BMERB1: variants seen among roughly 807,000 people sequenced by gnomAD.
BMERB1 encodes bMERB domain-containing protein 1.
BMERB1 carries 12 observed loss-of-function variants against 23.6 expected under a neutral mutation model. The observed-to-expected ratio is 0.51, with a 90% CI of 0.33 to 0.82. BMERB1 has a LOEUF of 0.82. BMERB1 is among the 40% of genes least tolerant of loss of function. The pLI is 0.03. For synonymous variants in BMERB1, 122 were observed against 96.6 expected, an observed-to-expected ratio of 1.26 and a Z score of -1.54; for missense variants, 247 against 255.4, an observed-to-expected ratio of 0.97 and a Z score of 0.22.
At chr16:15,533,139 A>C in intron 2 of BMERB1, 1 of 358,458 alleles carries the variant, frequency 2.8e-6, no homozygotes, top group South Asian at 2.1e-5. Context: ...CTACCACGTA[A>C]GTGCTCATTA....
At chr16:15,523,608 T>A (rs1477474043) in intron 2 of BMERB1, among the ~76,000 whole-genome samples, 1 of 152,184 alleles carries the variant, frequency 6.6e-6, no homozygotes, top group Admixed American at 6.5e-5. Context: ...GAATTCTACT[T>A]CTTACCAACT....
chr16:15,579,865 A>G (rs2030963693), intron 3 of BMERB1, among the ~76,000 whole-genome samples: 1 of 152,062 alleles, frequency 6.6e-6, no homozygotes, highest in Non-Finnish European at 1.5e-5. Flanking sequence ...ATGACCATTT[A>G]CTGAAGGCTC....
chr16:15,583,068 C>T (rs1366966664), intron 4 of BMERB1, 88 bp from the exon 5 acceptor site: 2 of 1,004,052 alleles, frequency 2.0e-6, no homozygotes, highest in East Asian at 2.4e-5. Flanking sequence ...AAGCCTGTTG[C>T]TTAACCTATT....
intron 1 of BMERB1, among the ~76,000 whole-genome samples, chr16:15,459,300 A>G (rs2051115958): frequency 6.6e-6 from 1 of 152,090 alleles, no homozygotes; most frequent in African/African-American, 2.4e-5. Flanking sequence ...ATGCAAATGG[A>G]TTAAATACTC....
At chr16:15,480,198 C>T (rs1207519826) in intron 1 of BMERB1, among the ~76,000 whole-genome samples, 1 of 151,158 alleles carries the variant, frequency 6.6e-6, no homozygotes, top group African/African-American at 2.4e-5. Flanking sequence ...CTGCAAGCTC[C>T]ACCTCCTGGG....
chr16:15,571,035 A>G (rs1039598424), intron 3 of BMERB1, among the ~76,000 whole-genome samples: 3 of 150,908 alleles, frequency 2.0e-5, no homozygotes, highest in African/African-American at 7.5e-5. Flanking sequence ...TTTATCAGGA[A>G]GGTCTTTGTG....
At chr16:15,523,880 C>T (rs1296191205) in intron 2 of BMERB1, among the ~76,000 whole-genome samples, 1 of 152,174 alleles carries the variant, frequency 6.6e-6, no homozygotes, top group Non-Finnish European at 1.5e-5. Context: ...ATTCCTCTCC[C>T]CAAGAGAAGA....
At chr16:15,498,117 T>C (rs1257127503) in intron 1 of BMERB1, among the ~76,000 whole-genome samples, 1 of 152,118 alleles carries the variant, frequency 6.6e-6, no homozygotes, top group Non-Finnish European at 1.5e-5. Flanking sequence ...GAAGGGCAGC[T>C]TGCTGGGTCT....
chr16:15,446,099 A>C (rs1329721974), intron 1 of BMERB1, among the ~76,000 whole-genome samples: 1 of 152,178 alleles, frequency 6.6e-6, no homozygotes, highest in East Asian at 1.9e-4. Flanking sequence ...ACAAAAATAA[A>C]AATAAAAAAG....
chr16:15,450,092 G>C (rs1014880011), intron 1 of BMERB1, among the ~76,000 whole-genome samples: 1 of 151,778 alleles, frequency 6.6e-6, no homozygotes, highest in African/African-American at 2.4e-5. Context: ...ACTATTTTAG[G>C]GTGTGCAGGT....
intron 1 of BMERB1, among the ~76,000 whole-genome samples, chr16:15,458,455 T>G (rs1173805479): frequency 6.6e-6 from 1 of 152,048 alleles, no homozygotes; most frequent in Non-Finnish European, 1.5e-5. Context: ...TGGCTCACAC[T>G]TGTAACCCCA....
intron 2 of BMERB1, among the ~76,000 whole-genome samples, chr16:15,535,648 CAA>C (rs34379447): frequency 1.9e-4 from 19 of 100,646 alleles, no homozygotes; most frequent in Admixed American, 4.2e-4. Context: ...GACTCCATCT[CAA>C]AAAAAAAAAA....
At chr16:15,573,820 T>A (rs1402563125) in intron 3 of BMERB1, among the ~76,000 whole-genome samples, 1 of 150,056 alleles carries the variant, frequency 6.7e-6, no homozygotes, top group African/African-American at 2.5e-5. Flanking sequence ...CAGTTCGGCA[T>A]AGCTGGGGAA....
chr16:15,522,898 G>A (rs1377597797), intron 2 of BMERB1, among the ~76,000 whole-genome samples: 2 of 152,186 alleles, frequency 1.3e-5, no homozygotes, highest in African/African-American at 2.4e-5. Context: ...ATCTATAGGC[G>A]GCTTGTGTTA....
intron 1 of BMERB1, among the ~76,000 whole-genome samples, chr16:15,451,372 G>A (rs1418106083): frequency 6.6e-6 from 1 of 151,674 alleles, no homozygotes; most frequent in Non-Finnish European, 1.5e-5. Flanking sequence ...TAGTAGAGAT[G>A]GGGTTTCACT....
chr16:15,456,018 T>C (rs1320450264), intron 1 of BMERB1, among the ~76,000 whole-genome samples: 1 of 152,214 alleles, frequency 6.6e-6, no homozygotes, highest in Non-Finnish European at 1.5e-5. Context: ...TGGTATTCAT[T>C]GCAGGGGCCA....
At chr16:15,482,868 C>T (rs1309058225) in intron 1 of BMERB1, among the ~76,000 whole-genome samples, 2 of 152,114 alleles carry the variant, frequency 1.3e-5, no homozygotes, top group Non-Finnish European at 2.9e-5. Context: ...CATGCGTTGT[C>T]TCACTTAGTG....
At chr16:15,550,860 T>A (rs1186517667) in intron 2 of BMERB1, among the ~76,000 whole-genome samples, 1 of 152,160 alleles carries the variant, frequency 6.6e-6, no homozygotes, top group Non-Finnish European at 1.5e-5. Flanking sequence ...AAGTGGAGAA[T>A]AAGAATACCA....
intron 1 of BMERB1, among the ~76,000 whole-genome samples, chr16:15,471,606 ACTCT>A (rs906463895): frequency 1.3e-5 from 2 of 150,774 alleles, no homozygotes; most frequent in Non-Finnish European, 3.0e-5. Context: ...CCTCTCTCTC[ACTCT>A]CTCTCTCTGT....
Sources: gnomAD v4.1 joint callset for allele counts (sites outside exome capture counted in the v4.1 genomes callset) on GRCh38, gnomAD v4.1.1 for gene constraint, MANE v1.5 for transcripts, NCBI Gene and HGNC (gene_info 2026-07-23, HGNC 2026-07-21) for gene names.